Variants in TBL1XR1 observed in about 807,000 individuals in gnomAD.
TBL1XR1 encodes TBL1X/Y related 1.
A neutral mutation model predicts 66.9 loss-of-function variants in TBL1XR1; 5 were observed. That is an observed-to-expected ratio of 0.07 (90% CI 0.04 to 0.16). The LOEUF (loss-of-function observed/expected upper bound fraction) is 0.16. TBL1XR1 is among the 10% of genes least tolerant of loss of function. The probability of loss-of-function intolerance (pLI) is 1.00; values close to 1 mark genes in which losing one functional copy is unlikely to be tolerated. For synonymous variants in TBL1XR1, 210 were observed against 206.0 expected, an observed-to-expected ratio of 1.02 and a Z score of -0.17; for missense variants, 238 against 623.2, an observed-to-expected ratio of 0.38 and a Z score of 6.58.
chr3:177,083,381 T>C (rs959564105), intron 2 of TBL1XR1, among the ~76,000 whole-genome samples: 2 of 152,246 alleles, frequency 1.3e-5, no homozygotes, highest in Non-Finnish European at 2.9e-5. Flanking sequence ...GTATGTTTTG[T>C]CTTCTTGCTT....
chr3:177,055,089 A>C (rs148358631), intron 3 of TBL1XR1, among the ~76,000 whole-genome samples: 38 of 152,368 alleles, frequency 2.5e-4, no homozygotes, highest in Non-Finnish European at 4.6e-4. Context: ...AACAAAGGAA[A>C]TAAATACAGG....
At chr3:177,044,896 G>A (rs1716113406) in intron 10 of TBL1XR1, 1 of 152,058 alleles carries the variant, frequency 6.6e-6, no homozygotes, top group East Asian at 1.9e-4. Flanking sequence ...ATTACTCCTA[G>A]GATGTACGAG....
intron 1 of TBL1XR1, among the ~76,000 whole-genome samples, chr3:177,144,353 T>A (rs1446272511): frequency 6.6e-6 from 1 of 152,190 alleles, no homozygotes; most frequent in African/African-American, 2.4e-5. Flanking sequence ...GTTCTCCATC[T>A]TAAGCCAAGG....
chr3:177,084,530 T>C (rs535454912), intron 2 of TBL1XR1, among the ~76,000 whole-genome samples: 1 of 152,390 alleles, frequency 6.6e-6, no homozygotes, highest in African/African-American at 2.4e-5. Flanking sequence ...ATTGTACACA[T>C]ACAGCAACTT....
intron 1 of TBL1XR1, among the ~76,000 whole-genome samples, chr3:177,148,428 T>TA (rs1577312742): frequency 6.6e-6 from 1 of 152,184 alleles, no homozygotes; most frequent in African/African-American, 2.4e-5. Context: ...ATCTCAAAAA[T>TA]AAACCTCTCA....
chr3:177,136,137 C>CA (rs1728968849), intron 1 of TBL1XR1: 1 of 152,076 alleles, frequency 6.6e-6, no homozygotes, highest in Admixed American at 6.5e-5. Context: ...AATACGAGTG[C>CA]ATCACATGAA....
chr3:177,182,639 G>C (rs1734965900), intron 1 of TBL1XR1, among the ~76,000 whole-genome samples: 1 of 152,162 alleles, frequency 6.6e-6, no homozygotes, highest in South Asian at 2.1e-4. Flanking sequence ...CTGTTTTCAA[G>C]GAAGGATCTC....
intron 1 of TBL1XR1, among the ~76,000 whole-genome samples, chr3:177,179,078 T>C (rs954654507): frequency 6.2e-5 from 9 of 145,730 alleles, no homozygotes; most frequent in East Asian, 6.0e-4. Context: ...GATCACGCCA[T>C]TGCACTCCAG....
chr3:177,180,169 G>A lies in TBL1XR1; in HGVS notation c.-122+16952C>T, dbSNP rs192628211. On this transcript the variant is annotated intron_variant, in intron 1 of 15. Coordinates refer to ENST00000457928, the MANE Select transcript of TBL1XR1 (RefSeq NM_024665.7). ...GGAGAATTGCCTGAATCCGGGAGGC[G>A]TGGGTTGCAGTGAGCTGAGATCGTG... Among the ~76,000 whole-genome samples, 557 of 150,376 alleles carry A rather than the reference G, an allele frequency of 3.7e-3. 2 individuals carry two copies. The highest frequency in any genetic ancestry group is 0.021 in the Middle Eastern group (6 of 292).
chr3:177,080,026 AG>A (rs1721203075), intron 2 of TBL1XR1: 1 of 152,196 alleles, frequency 6.6e-6, no homozygotes, highest in Admixed American at 6.5e-5. Flanking sequence ...AGATGAATTT[AG>A]GAAGAATCAA....
intron 1 of TBL1XR1, among the ~76,000 whole-genome samples, chr3:177,171,165 A>G (rs1024269763): frequency 6.6e-6 from 1 of 151,362 alleles, no homozygotes; most frequent in African/African-American, 2.4e-5. Flanking sequence ...ATATGGAGAA[A>G]CCCCATCTCT....
rs141598944 is a variant in TBL1XR1, at chr3:177,085,471, C to G, written c.-46+12995G>C. 2.5e-3 allele frequency among the ~76,000 whole-genome samples: 376 copies of G among 152,142 alleles called. 1 individual carries two copies. Among genetic ancestry groups the G allele is most frequent in the Non-Finnish European group, 5.0e-3 (338 of 68,008 alleles). ...CAGATGAAGAAAATCTGATCATTCT[C>G]AAAGGAAAAGACAATAACAGATATT... On this transcript the variant is annotated intron_variant, in intron 2 of 15. Transcript: ENST00000457928.
rs990908842 is a variant in TBL1XR1 at position 177,090,604 on chromosome 3, C to T, written c.-46+7862G>A. Among the ~76,000 whole-genome samples, 11 of 151,096 alleles carry T rather than the reference C, an allele frequency of 7.3e-5. No individual in the cohort carries two copies. The East Asian group carries it at 1.2e-3, about 16-fold the overall frequency. On this transcript the variant is annotated intron_variant, in intron 2 of 15. Coordinates refer to ENST00000457928, the MANE Select transcript of TBL1XR1 (RefSeq NM_024665.7). ...TTGGGAGGCTGAGGCAGGTGGATCA[C>T]GAGGTCAGGAGACAGAGACCATCCT...
At chr3:177,197,712 G>C (rs866956352), upstream of TBL1XR1, among the ~76,000 whole-genome samples, 20 of 145,508 alleles carry the variant, frequency 1.4e-4, no homozygotes, top group Admixed American at 2.0e-4. Flanking sequence ...CGGCGCGGCG[G>C]GGGGGCTCCA....
chr3:177,145,265 T>C lies in TBL1XR1; in HGVS notation c.-121-46724A>G, dbSNP rs115260708. On this transcript the variant is annotated intron_variant, in intron 1 of 15. Coordinates refer to ENST00000457928, the MANE Select transcript of TBL1XR1 (RefSeq NM_024665.7). ...CCCACTGTGTTTTAGTAAATAAAGT[T>C]TTAATTGAACAGAAAAGCTCATTTA... is the stretch of plus-strand genomic sequence containing the variant. Among the ~76,000 whole-genome samples the C allele has an allele frequency of 3.8e-3, 584 of 152,330 alleles. 2 individuals carry two copies. Among genetic ancestry groups the C allele is most frequent in the African/African-American group, 0.013 (551 of 41,584 alleles).
At chr3:177,140,273 C>T (rs955828657) in intron 1 of TBL1XR1, among the ~76,000 whole-genome samples, 1 of 152,186 alleles carries the variant, frequency 6.6e-6, no homozygotes, top group Non-Finnish European at 1.5e-5. Flanking sequence ...GCACTCCAGC[C>T]TGGGTGACGG....
chr3:177,111,983 A>C (rs1004653000), intron 1 of TBL1XR1, among the ~76,000 whole-genome samples: 4 of 149,376 alleles, frequency 2.7e-5, no homozygotes, highest in Non-Finnish European at 5.9e-5. Context: ...AGATCCTTTG[A>C]AGCCTTTTAA....
At position 177,049,391 on chromosome 3, in the gene TBL1XR1, C is replaced by T. The variant is rs148906594; in HGVS notation, c.702+606G>A. On this transcript the variant is annotated intron_variant, in intron 7 of 15. Transcript: ENST00000457928. ...TATAATGGTGAGAATTTATCAACAA[C>T]GAAGTCAAAGTTTTTTGTAAGTCAC... Among the ~76,000 whole-genome samples the T allele has an allele frequency of 6.6e-5, 10 of 152,166 alleles. 1 individual carries two copies. In the South Asian group the frequency reaches 1.5e-3, roughly 22 times the overall value.
chr3:177,171,628 G>A (rs543301394), intron 1 of TBL1XR1, among the ~76,000 whole-genome samples: 37 of 150,184 alleles, frequency 2.5e-4, no homozygotes, highest in African/African-American at 7.9e-4. Flanking sequence ...GTGTGAACCC[G>A]GGAGGCGGAG....
Sources: allele counts gnomAD v4.1 joint callset (sites outside exome capture counted in the v4.1 genomes callset), GRCh38; gene constraint gnomAD v4.1.1; transcripts MANE v1.5; gene names NCBI Gene and HGNC (gene_info 2026-07-23, HGNC 2026-07-21).